The following TRPM5 variants were observed in gnomAD, a reference collection of about 807,000 sequenced individuals.
The protein encoded by TRPM5 is MLSN1 and TRP-related.
TRPM5 carries 121 observed loss-of-function variants against 124.9 expected under a neutral mutation model. The ratio of observed to expected loss-of-function variants is 0.97; its 90% CI spans 0.84 to 1.13. The LOEUF is 1.13. Among genes scored for constraint, TRPM5 ranks in the 50% most tolerant of loss-of-function variants. The pLI is 0.00. For synonymous variants in TRPM5, 781 were observed against 700.5 expected, an observed-to-expected ratio of 1.11 and a Z score of -1.81; for missense variants, 1,643 against 1,589.1, an observed-to-expected ratio of 1.03 and a Z score of -0.58.
exon 16 of TRPM5, chr11:2,412,168 G>A (rs755317224): frequency 1.2e-6 from 2 of 1,613,530 alleles, no homozygotes; most frequent in Non-Finnish European, 8.5e-7. Flanking sequence ...CAGGAAGATG[G>A]CCACCATGTC....
At chr11:2,411,281 T>C in intron 18 of TRPM5, 71 bp downstream of exon 23, 2 of 1,459,046 alleles carry the variant, frequency 1.4e-6, no homozygotes, top group Non-Finnish European at 1.8e-6. Context: ...CTGGAGAGCC[T>C]CATGCCCAGG....
intron 20 of TRPM5, 85 bp from the exon 26 acceptor site, chr11:2,406,878 G>C: frequency 6.6e-7 from 1 of 1,525,450 alleles, no homozygotes; most frequent in Non-Finnish European, 8.8e-7. Flanking sequence ...GGCGAGGTGG[G>C]CCAGGCAGAA....
chr11:2,415,094 C>T (rs1425011976), intron 9 of TRPM5, 27 bp downstream of exon 14: 1 of 1,583,420 alleles, frequency 6.3e-7, no homozygotes, highest in African/African-American at 1.3e-5. Flanking sequence ...CAGCCTCGCC[C>T]TCCATCCCCA....
chr11:2,439,221 C>T, the TRPM5 span, among the ~76,000 whole-genome samples: 2 of 152,282 alleles, frequency 1.3e-5, no homozygotes, highest in African/African-American at 4.8e-5. Flanking sequence ...AACTATAAGA[C>T]TACTAAGAGA....
intron 21 of TRPM5, 101 bp from the exon 27 acceptor site, chr11:2,406,192 G>C: frequency 2.3e-6 from 3 of 1,329,300 alleles, no homozygotes; most frequent in Non-Finnish European, 3.2e-6. Context: ...CCCGAGTTTG[G>C]GGTGCCCTGG....
chr11:2,407,522 C>T (rs554552815), intron 19 of TRPM5, among the ~76,000 whole-genome samples: 5 of 152,328 alleles, frequency 3.3e-5, no homozygotes, highest in African/African-American at 9.6e-5. Flanking sequence ...GCCACAGCAC[C>T]GGTCCCCCAA....
At chr11:2,413,681 C>A in intron 12 of TRPM5, 93 bp from the exon 18 acceptor site, 1 of 1,220,972 alleles carries the variant, frequency 8.2e-7, no homozygotes, top group Non-Finnish European at 1.2e-6. Context: ...GTGCCTGGCC[C>A]ACGTGAGCTG....
upstream of TRPM5, among the ~76,000 whole-genome samples, chr11:2,426,353 C>T (rs1178733576): frequency 6.6e-6 from 1 of 152,166 alleles, no homozygotes; most frequent in Non-Finnish European, 1.5e-5. Context: ...AGGTGCTAGG[C>T]ACCAGGCAAA....
At chr11:2,414,971 C>T (rs202052284) in exon 10 of TRPM5, 715 of 1,607,692 alleles carry the variant, frequency 4.4e-4, no homozygotes, top group Non-Finnish European at 5.8e-4. Flanking sequence ...GAACAGGTCC[C>T]GCCAGGGGTT....
chr11:2,434,425 C>T, the TRPM5 span, among the ~76,000 whole-genome samples: 3 of 118,512 alleles, frequency 2.5e-5, no homozygotes, highest in South Asian at 2.8e-4. Context: ...GCACTGTGTG[C>T]GGACACTGTG....
At position 2,406,001 on chromosome 11, in the gene TRPM5, G is replaced by A. The variant is rs753731256; in HGVS notation, c.3324+18C>T. ...CACCCGCCTCCCATCAGGGAGAGGA[G>A]CTCTGGGGCTCGCTTGCCTGTGACT... is the stretch of plus-strand genomic sequence containing the variant. On this transcript the variant is annotated intron_variant, in intron 22 of 23. Coordinates refer to ENST00000155858, the Ensembl canonical transcript of TRPM5. 39 of 1,606,386 alleles carry A rather than the reference G, an allele frequency of 2.4e-5. 1 individual carries two copies. Among genetic ancestry groups the A allele is most frequent in the Non-Finnish European group, 3.2e-5 (38 of 1,177,134 alleles).
Position 2,405,751 on chromosome 11 carries a change from C to T in TRPM5, c.3325-158G>A, listed in dbSNP as rs560321735. On this transcript the variant is annotated intron_variant, in intron 22 of 23. Transcript: ENST00000155858. ...CACAGGCAGGGGTGAGTGAGGCTCC[C>T]GTGAGGCGTGTAGAGTGAAAGGCGA... Among the ~76,000 whole-genome samples the T allele has an allele frequency of 5.5e-4, 84 of 152,244 alleles. No homozygotes were observed. The South Asian group carries it at 9.3e-3, about 17-fold the overall frequency.
Position 2,416,081 on chromosome 11 carries a change from G to A in TRPM5, c.1010-57C>T, listed in dbSNP as rs1458509644. On this transcript the variant is annotated intron_variant, in intron 7 of 23. Coordinates refer to ENST00000155858, the Ensembl canonical transcript of TRPM5. Reference sequence around the variant, plus strand: ...GTGGAGCTGAGGGCCTCACAGAGCCGGGGCACAGGGTCCCCAAAGGTGCGC... The same window carrying A: ...GTGGAGCTGAGGGCCTCACAGAGCCAGGGCACAGGGTCCCCAAAGGTGCGC... The A allele has an allele frequency of 1.6e-5, 22 of 1,339,660 alleles. No individual in the cohort carries two copies. The East Asian group carries it at 2.4e-4, about 15-fold the overall frequency. The allele number at this position is 1,339,660 out of a possible 1,614,324, so 83.0% of individuals were successfully genotyped here.
chr11:2,405,137 G>A (rs1312925655), intron 23 of TRPM5, 94 bp from the exon 29 acceptor site: 13 of 1,062,586 alleles, frequency 1.2e-5, no homozygotes, highest in South Asian at 4.3e-5. Flanking sequence ...GGGCCAGGAC[G>A]CCGTGGCTCT....
the TRPM5 span, among the ~76,000 whole-genome samples, chr11:2,437,791 G>T: frequency 2.0e-5 from 3 of 152,140 alleles, no homozygotes. This position sits in a 1 kb window ranked among gnomAD's most constrained non-coding sequence, Gnocchi z 5.6. Context: ...CAGACCTGCT[G>T]GTAGGGGTGG....
At chr11:2,406,160 T>TC (rs1279745735) in intron 21 of TRPM5, 69 bp from the exon 27 acceptor site, 4 of 1,535,502 alleles carry the variant, frequency 2.6e-6, no homozygotes, top group African/African-American at 1.4e-5. Flanking sequence ...AGCCTCCCCA[T>TC]CCCCCCAGGC....
At chr11:2,414,655 C>T in intron 11 of TRPM5, 60 bp downstream of exon 16, 11 of 1,476,518 alleles carry the variant, frequency 7.4e-6, no homozygotes, top group Non-Finnish European at 9.0e-6. Context: ...ACCCTTCGTC[C>T]GACCCCTCCG....
At chr11:2,405,846 G>GGAGGCACAA (rs1850309118) in intron 22 of TRPM5, among the ~76,000 whole-genome samples, 173 bp downstream of exon 27, 1 of 152,214 alleles carries the variant, frequency 6.6e-6, no homozygotes, top group South Asian at 2.1e-4. Flanking sequence ...AGGAGGCACA[G>GGAGGCACAA]GTGGGGACGG....
In TRPM5 at chr11:2,413,229, G is replaced by C; in HGVS notation, c.2004-3C>G. On this transcript the variant is annotated splice_region_variant and splice_polypyrimidine_tract_variant and intron_variant, in intron 13 of 23. Transcript: ENST00000155858. ...CTGTCCTCAGGGGAGCTTCCTCACT[G>C]CGAGCACAGGAGAGCTCAGGGCCCG... 2.6e-6 allele frequency: 4 copies of C among 1,545,382 alleles called. No homozygotes were observed. Among genetic ancestry groups the C allele is most frequent in the Non-Finnish European group, 3.5e-6 (4 of 1,145,488 alleles).
Sources: gnomAD v4.1 joint callset for allele counts (sites outside exome capture counted in the v4.1 genomes callset) on GRCh38, gnomAD v4.1.1 for gene constraint, Gnocchi (gnomAD v3.1) non-coding constraint, MANE v1.5 for transcripts, NCBI Gene and HGNC (gene_info 2026-07-23, HGNC 2026-07-21) for gene names.